The following MARCHF6 variants were observed in gnomAD, a reference collection of about 807,000 sequenced individuals.
The protein encoded by MARCHF6 is membrane associated ring-CH-type finger 6, also known as E3 ubiquitin-protein ligase MARCHF6.
A neutral mutation model predicts 133.7 loss-of-function variants in MARCHF6; 31 were observed. That is an observed-to-expected ratio of 0.23 (90% CI 0.17 to 0.31). MARCHF6 has a LOEUF of 0.31. Ranked by LOEUF, MARCHF6 falls within the 10% of genes least tolerant of loss-of-function variation. The pLI is 1.00. For synonymous variants in MARCHF6, 395 were observed against 402.5 expected (o/e 0.98, Z 0.22); for missense variants, 723 against 1,121.6 (o/e 0.64, Z 5.08).
chr5:10,398,048 C>T (rs528825563), intron 10 of MARCHF6, among the ~76,000 whole-genome samples: 1 of 152,182 alleles, frequency 6.6e-6, no homozygotes, highest in South Asian at 2.1e-4. Context: ...GGGGTGAGGA[C>T]GTAGAGTCTG....
intron 1 of MARCHF6, among the ~76,000 whole-genome samples, chr5:10,371,811 A>C (rs1736482287): frequency 6.6e-6 from 1 of 152,174 alleles, no homozygotes; most frequent in Non-Finnish European, 1.5e-5. Flanking sequence ...CCTTCATTAA[A>C]GTTTCTAGTA....
At position 10,403,425 on chromosome 5, in the gene MARCHF6, C is replaced by G. The variant is rs757822396; in HGVS notation, c.1216C>G (p.Leu406Val). Reference protein sequence around the residue: ...ICSLEMFDATLKDRELSFQSA... With the variant: ...ICSLEMFDATVKDRELSFQSA... ...GTCTCAGGAAATGTTTGATGCTACT[C>G]TGAAAGATCGAGAACTGAGCTTTCA... The change falls in exon 15 of 26, where the codon CTG (leucine) becomes GTG (valine). Residue 406 changes from leucine to valine, a missense_variant. Leu to Val is a conservative substitution (Grantham distance 32, BLOSUM62 1). Coordinates refer to ENST00000274140, the MANE Select transcript of MARCHF6 (RefSeq NM_005885.4). The G allele has an allele frequency of 8.1e-6, 13 of 1,613,522 alleles. No individual in the cohort carries two copies. The Admixed American group carries it at 1.7e-4, about 21-fold the overall frequency.
At position 10,435,333 on chromosome 5, in the gene MARCHF6, A is replaced by T. The variant is rs574960529; in HGVS notation, c.*1649A>T. ...TGGCTCCGGCCGGTTGTCCTGGCACACAAGGAGGCGAGGCTATGCGTTCGA... is the reference window on the plus strand; with the variant it reads ...TGGCTCCGGCCGGTTGTCCTGGCACTCAAGGAGGCGAGGCTATGCGTTCGA... On this transcript the variant is annotated 3_prime_UTR_variant, in exon 26 of 26. Coordinates refer to ENST00000274140, the MANE Select transcript of MARCHF6 (RefSeq NM_005885.4). The T allele has an allele frequency of 6.6e-6, 1 of 151,974 alleles. No homozygotes were observed. Among genetic ancestry groups the T allele is most frequent in the Non-Finnish European group, 1.5e-5 (1 of 67,918 alleles). The allele number at this position is 151,974 out of a possible 1,614,324, so 9.4% of individuals were successfully genotyped here.
In MARCHF6 at chr5:10,394,151, CT is replaced by C. The variant is rs1738038701; in HGVS notation, c.828+13del. On this transcript the variant is annotated intron_variant, in intron 8 of 25. Coordinates refer to ENST00000274140, the MANE Select transcript of MARCHF6 (RefSeq NM_005885.4). Reference sequence around the variant, plus strand: ...GAGCTTACATGGGAAAGAGTAAGACCTTTTTCTGTCAAGTATCCTGGTGTTT... The same window carrying C: ...GAGCTTACATGGGAAAGAGTAAGACCTTTTCTGTCAAGTATCCTGGTGTTT... 4.6e-6 allele frequency: 7 copies of C among 1,535,576 alleles called. No homozygotes were observed. The highest frequency in any genetic ancestry group is 2.6e-5 in the South Asian group (2 of 77,358).
intron 1 of MARCHF6, among the ~76,000 whole-genome samples, chr5:10,362,732 TTGTA>T (rs1735902202): frequency 6.6e-6 from 1 of 152,200 alleles, no homozygotes; most frequent in Admixed American, 6.5e-5. Flanking sequence ...TTTCAGATGT[TTGTA>T]TGTTCTTTGA....
In MARCHF6 at chr5:10,433,771, C is replaced by A; in HGVS notation, c.*87C>A. ...TTGGAGATTTTTCCCAGTGATCTCT[C>A]AGCGTTGTTTTTAAGTTAAATGTAT... is the stretch of plus-strand genomic sequence containing the variant. On this transcript the variant is annotated 3_prime_UTR_variant, in exon 26 of 26. Transcript: ENST00000274140. 1 of 1,106,352 alleles carries A rather than the reference C, an allele frequency of 9.0e-7. No individual in the cohort carries two copies. Among genetic ancestry groups the A allele is most frequent in the Non-Finnish European group, 1.4e-6 (1 of 726,734 alleles). 68.5% of individuals were successfully genotyped at this position (1,106,352 alleles called of 1,614,324 possible).
intron 1 of MARCHF6, among the ~76,000 whole-genome samples, chr5:10,356,219 T>A (rs1225360307): frequency 1.3e-5 from 2 of 152,012 alleles, no homozygotes; most frequent in Non-Finnish European, 2.9e-5. Context: ...TTAGGTTTTT[T>A]AAATCTGCTT....
intron 24 of MARCHF6, among the ~76,000 whole-genome samples, chr5:10,427,057 G>A (rs187245256): frequency 1.3e-3 from 194 of 152,174 alleles, no homozygotes; most frequent in African/African-American, 4.5e-3. Context: ...CCAGAATTCC[G>A]TCTCTCAGCA....
rs1164571213 is a variant in MARCHF6, at chr5:10,391,681, A to C, written c.716A>C (p.Glu239Ala). 1 of 1,606,128 alleles carries C rather than the reference A, an allele frequency of 6.2e-7. No homozygotes were observed. The highest frequency in any genetic ancestry group is 8.5e-7 in the Non-Finnish European group (1 of 1,176,338). ...AEEEEEDNEEEDDAGVEDAAD... is the reference protein window; with the variant it reads ...AEEEEEDNEEADDAGVEDAAD... ...GAGGAGGAGGAGGACAATGAGGAGGAAGATGACGCTGGTGTGGAGGATGCG... is the reference window on the plus strand; with the variant it reads ...GAGGAGGAGGAGGACAATGAGGAGGCAGATGACGCTGGTGTGGAGGATGCG... The change falls in exon 7 of 26, where the codon GAA becomes GCA. Residue 239 changes from glutamate to alanine, a missense_variant. This residue lies in a region of MARCHF6 where 97 missense variants were observed against 115.4 expected (regional missense o/e 0.84). Transcript: ENST00000274140.
chr5:10,379,361 A>G (rs1157671203), intron 3 of MARCHF6, among the ~76,000 whole-genome samples: 5 of 152,216 alleles, frequency 3.3e-5, no homozygotes, highest in African/African-American at 4.8e-5. Context: ...AAAATAAACA[A>G]TGATGCCTTG....
chr5:10,359,403 AAAAAT>A (rs1735672386), intron 1 of MARCHF6, among the ~76,000 whole-genome samples: 1 of 152,238 alleles, frequency 6.6e-6, no homozygotes, highest in South Asian at 2.1e-4. Flanking sequence ...GCTTTATTGT[AAAAAT>A]AAAGTATATA....
rs1400833208 is a variant in MARCHF6 at position 10,436,813 on chromosome 5, T to C, written c.*3129T>C. The C allele has an allele frequency of 6.6e-6, 1 of 152,232 alleles. No individual in the cohort carries two copies. The highest frequency in any genetic ancestry group is 1.5e-5 in the Non-Finnish European group (1 of 68,032). 9.4% of individuals were successfully genotyped at this position (152,232 alleles called of 1,614,324 possible). ...TTTTTAGGTGACTTTTTTCCCCCTC[T>C]TAGTACTCTGGAGAAACAATGAAGA... On this transcript the variant is annotated 3_prime_UTR_variant, in exon 26 of 26. Transcript: ENST00000274140.
chr5:10,414,478 A>G lies in MARCHF6; in HGVS notation c.1942A>G (p.Ser648Gly), dbSNP rs778698414. The change falls in exon 20 of 26, where the codon AGC (serine) becomes GGC (glycine). Residue 648 changes from serine to glycine, a missense_variant. Physicochemically the swap from Ser to Gly is moderately conservative, Grantham distance 56 (BLOSUM62 0). Around this residue, in one of 4 missense-constraint regions of MARCHF6, gnomAD observed 492 missense variants for 699.5 expected, o/e 0.70. Coordinates refer to ENST00000274140, the MANE Select transcript of MARCHF6 (RefSeq NM_005885.4). ...VFMCITLLIA[S>G]LICLTLPVFA... Reference sequence around the variant, plus strand: ...CATGTGTATAACATTACTGATTGCCAGCCTCATCTGCCTTACTTTACCAGG... The same window carrying G: ...CATGTGTATAACATTACTGATTGCCGGCCTCATCTGCCTTACTTTACCAGG... The G allele has an allele frequency of 1.2e-6, 2 of 1,613,636 alleles. No homozygotes were observed. The highest frequency in any genetic ancestry group is 1.7e-6 in the Non-Finnish European group (2 of 1,179,656).
chr5:10,423,283 A>G (rs1231034597), intron 22 of MARCHF6, among the ~76,000 whole-genome samples: 1 of 152,202 alleles, frequency 6.6e-6, no homozygotes, highest in African/African-American at 2.4e-5. Context: ...ACAGTTCCCC[A>G]GTAGAACCAC....
chr5:10,396,578 C>T (rs1302875687), intron 9 of MARCHF6, among the ~76,000 whole-genome samples: 1 of 152,130 alleles, frequency 6.6e-6, no homozygotes, highest in African/African-American at 2.4e-5. Context: ...TTGGACGGAT[C>T]ATTTAACTTG....
chr5:10,383,017 G>A (rs1009924041), intron 4 of MARCHF6, among the ~76,000 whole-genome samples: 2 of 152,048 alleles, frequency 1.3e-5, no homozygotes, highest in Admixed American at 6.6e-5. Context: ...TAGTATATGG[G>A]AGGCAGAGTA....
chr5:10,358,527 A>G (rs1735619132), intron 1 of MARCHF6, among the ~76,000 whole-genome samples: 2 of 151,462 alleles, frequency 1.3e-5, no homozygotes, highest in African/African-American at 4.8e-5. Context: ...TTATTCCTCA[A>G]ACAATACAGT....
chr5:10,433,927 G>T lies in MARCHF6; in HGVS notation c.*243G>T. On this transcript the variant is annotated 3_prime_UTR_variant, in exon 26 of 26. Coordinates refer to ENST00000274140, the MANE Select transcript of MARCHF6 (RefSeq NM_005885.4). ...AAGTTCCTTGATACCCTAAAACCTTGGATTAAACAGAATGTGCATTGTACA... is the reference window on the plus strand; with the variant it reads ...AAGTTCCTTGATACCCTAAAACCTTTGATTAAACAGAATGTGCATTGTACA... 3 of 468,968 alleles carry T rather than the reference G, an allele frequency of 6.4e-6. No individual in the cohort carries two copies. Among genetic ancestry groups the T allele is most frequent in the South Asian group, 5.0e-5 (2 of 40,274 alleles). The allele number at this position is 468,968 out of a possible 1,614,324, so 29.1% of individuals were successfully genotyped here.
chr5:10,379,176 G>C (rs1736976551), intron 3 of MARCHF6, among the ~76,000 whole-genome samples: 1 of 151,788 alleles, frequency 6.6e-6, no homozygotes, highest in Non-Finnish European at 1.5e-5. Flanking sequence ...CTCATAGCCT[G>C]TCTTGTTTTA....
Sources: gnomAD v4.1 joint callset for allele counts (sites outside exome capture counted in the v4.1 genomes callset) on GRCh38, gnomAD v4.1.1 for gene constraint, gnomAD v4.1.1 regional missense constraint, MANE v1.5 for transcripts, NCBI Gene and HGNC (gene_info 2026-07-23, HGNC 2026-07-21) for gene names.